Variants in SLC6A11 observed in about 807,000 individuals in gnomAD.
The protein encoded by SLC6A11 is solute carrier family 6 member 11.
SLC6A11 carries 25 observed loss-of-function variants against 74.8 expected under a neutral mutation model. That is an observed-to-expected ratio of 0.33 (90% confidence interval 0.24 to 0.47). The LOEUF is 0.47. Ranked by LOEUF, SLC6A11 falls within the 20% of genes least tolerant of loss-of-function variation. The probability of loss-of-function intolerance (pLI) is 1.00; values close to 1 mark genes in which losing one functional copy is unlikely to be tolerated. For missense variants in SLC6A11, 574 were observed against 837.0 expected (o/e 0.69, Z 3.88); for synonymous variants, 330 against 330.2 (o/e 1.00, Z 0.01).
At chr3:10,852,908 AATAAG>A (rs369766413) in intron 5 of SLC6A11, among the ~76,000 whole-genome samples, 20 of 152,322 alleles carry the variant, frequency 1.3e-4, no homozygotes, top group African/African-American at 4.6e-4. Flanking sequence ...GAACTGGGGA[AATAAG>A]ATAAGATGAG....
At position 10,844,300 on chromosome 3, in the gene SLC6A11, C is replaced by T; in HGVS notation, c.710C>T (p.Thr237Ile). The change falls in exon 5 of 14, where the codon ACC becomes ATC. Residue 237 changes from threonine to isoleucine, a missense_variant. Physicochemically the swap from Thr to Ile is moderately conservative, Grantham distance 89. Coordinates refer to ENST00000254488, the MANE Select transcript of SLC6A11 (RefSeq NM_014229.3). ...GCCTTGTGTCTCTTGGCAGCCTGGA[C>T]CATCTGTTACTTCTGTATCTGGAAG... ...ELALCLLAAW[T>I]ICYFCIWKGT... 6 of 1,614,164 alleles carry T rather than the reference C, an allele frequency of 3.7e-6. No homozygotes were observed. The highest frequency in any genetic ancestry group is 4.2e-6 in the Non-Finnish European group (5 of 1,180,026).
Position 10,816,565 on chromosome 3 carries a change from G to C in SLC6A11, c.256+44G>C. On this transcript the variant is annotated intron_variant, in intron 1 of 13. Coordinates refer to ENST00000254488, the MANE Select transcript of SLC6A11 (RefSeq NM_014229.3). This position sits in a 1 kb window ranked among gnomAD's most constrained non-coding sequence, Gnocchi z 4.2. Reference sequence around the variant, plus strand: ...GAAGGGGAGGGGGCGCCAACCGCCCGGTGGGGGCGGGGAGCCAGGGGCGAG... The same window carrying C: ...GAAGGGGAGGGGGCGCCAACCGCCCCGTGGGGGCGGGGAGCCAGGGGCGAG... The C allele has an allele frequency of 6.6e-7, 1 of 1,512,936 alleles. No individual in the cohort carries two copies. The highest frequency in any genetic ancestry group is 8.9e-7 in the Non-Finnish European group (1 of 1,127,498). 93.7% of individuals were successfully genotyped at this position (1,512,936 alleles called of 1,614,324 possible). A position where few individuals can be genotyped will look rare whatever the true frequency, so the allele number is the denominator to read the frequency against.
intron 8 of SLC6A11, among the ~76,000 whole-genome samples, chr3:10,919,799 G>A (rs1054216982): frequency 3.9e-5 from 6 of 152,172 alleles, no homozygotes; most frequent in African/African-American, 1.4e-4. Flanking sequence ...TCAGCCCTCT[G>A]AAGTGGCATT....
intron 5 of SLC6A11, among the ~76,000 whole-genome samples, chr3:10,856,983 A>G (rs990509322): frequency 6.6e-6 from 1 of 152,136 alleles, no homozygotes; most frequent in Non-Finnish European, 1.5e-5. Flanking sequence ...TACAGGGAAC[A>G]CCCCAATGTT....
intron 5 of SLC6A11, among the ~76,000 whole-genome samples, chr3:10,873,553 C>CAT (rs1559566890): frequency 1.3e-3 from 115 of 88,074 alleles, no homozygotes; most frequent in African/African-American, 5.3e-3. Context: ...TCCTATCCTA[C>CAT]CCTACCCTAC....
At position 10,929,256 on chromosome 3, in the gene SLC6A11, T is replaced by G. The variant is rs1695650999; in HGVS notation, c.1288T>G (p.Phe430Val). The G allele has an allele frequency of 6.2e-7, 1 of 1,614,132 alleles. No homozygotes were observed. The highest frequency in any genetic ancestry group is 8.5e-7 in the Non-Finnish European group (1 of 1,179,994). The change falls in exon 10 of 14, where the codon TTC becomes GTC. Residue 430 changes from phenylalanine to valine, a missense_variant. Physicochemically the swap from Phe to Val is conservative, Grantham distance 50 (BLOSUM62 -1). Transcript: ENST00000254488. The stretch of plus-strand genomic sequence containing the variant: ...CGTGGTGGACATGTACCCCAAGGTT[T>G]TCCGGAGGGGTTACCGGCGGGAGCT... ...TAVVDMYPKV[F>V]RRGYRRELLI...
chr3:10,818,003 A>G (rs1694085871), intron 1 of SLC6A11, among the ~76,000 whole-genome samples: 1 of 152,186 alleles, frequency 6.6e-6, no homozygotes, highest in African/African-American at 2.4e-5. Flanking sequence ...TGTTGTGCCA[A>G]AACAAAAAGC....
intron 5 of SLC6A11, among the ~76,000 whole-genome samples, chr3:10,872,338 A>G (rs1694837514): frequency 6.6e-6 from 1 of 152,238 alleles, no homozygotes; most frequent in Non-Finnish European, 1.5e-5. Flanking sequence ...AAATGCAGCC[A>G]TTGTTATTAT....
intron 10 of SLC6A11, among the ~76,000 whole-genome samples, chr3:10,932,725 G>A (rs1360383009): frequency 1.3e-5 from 2 of 152,168 alleles, no homozygotes; most frequent in Admixed American, 6.5e-5. Context: ...AAACTACCAC[G>A]TGTTTGGTTG....
At chr3:10,838,594 C>G (rs1341836268) in intron 4 of SLC6A11, among the ~76,000 whole-genome samples, 1 of 152,162 alleles carries the variant, frequency 6.6e-6, no homozygotes, top group Non-Finnish European at 1.5e-5. Context: ...ATTAAAAATA[C>G]AAAAATTAGC....
At chr3:10,847,288 G>A (rs533421577) in intron 5 of SLC6A11, among the ~76,000 whole-genome samples, 2 of 152,290 alleles carry the variant, frequency 1.3e-5, no homozygotes, top group East Asian at 1.9e-4. Flanking sequence ...GGACTATGGC[G>A]ATTTTCTTAT....
chr3:10,849,754 G>C (rs1254861058), intron 5 of SLC6A11, among the ~76,000 whole-genome samples: 1 of 120,022 alleles, frequency 8.3e-6, no homozygotes, highest in Non-Finnish European at 1.6e-5. Flanking sequence ...TTAGGGTTTT[G>C]TGATATTTTT....
chr3:10,856,919 G>C (rs1020767540), intron 5 of SLC6A11, among the ~76,000 whole-genome samples: 1 of 152,128 alleles, frequency 6.6e-6, no homozygotes, highest in Non-Finnish European at 1.5e-5. Flanking sequence ...CACCTCACGG[G>C]TTGTTATAAG....
chr3:10,868,176 C>A lies in SLC6A11; in HGVS notation c.757-6785C>A, dbSNP rs148973256. ...CAGCCCAGAGAGGGTATGGAACTGGCCCCAGCTGCCCAGCACATTGGATCT... is the reference window on the plus strand; with the variant it reads ...CAGCCCAGAGAGGGTATGGAACTGGACCCAGCTGCCCAGCACATTGGATCT... On this transcript the variant is annotated intron_variant, in intron 5 of 13. Transcript: ENST00000254488. Among the ~76,000 whole-genome samples, 1,114 of 152,264 alleles carry A rather than the reference C, an allele frequency of 7.3e-3. 50 individuals carry two copies. In the South Asian group the frequency reaches 0.1, roughly 14 times the overall value.
chr3:10,822,599 G>T (rs1017261977), intron 3 of SLC6A11, among the ~76,000 whole-genome samples: 1 of 152,162 alleles, frequency 6.6e-6, no homozygotes, highest in Admixed American at 6.5e-5. Context: ...AGGGGAGGGA[G>T]GTTGGGGAAG....
chr3:10,825,639 T>G (rs1410031590), intron 4 of SLC6A11: 2 of 152,136 alleles, frequency 1.3e-5, no homozygotes, highest in Admixed American at 1.3e-4. Flanking sequence ...GTTGAAAAAA[T>G]TTTCCATATT....
chr3:10,899,023 T>G (rs1575694450), intron 6 of SLC6A11, among the ~76,000 whole-genome samples: 1 of 152,144 alleles, frequency 6.6e-6, no homozygotes, highest in Non-Finnish European at 1.5e-5. Flanking sequence ...TTTCCCCTTA[T>G]CAAACCATCA....
intron 5 of SLC6A11, among the ~76,000 whole-genome samples, chr3:10,864,678 T>C (rs1694742832): frequency 6.6e-6 from 1 of 152,120 alleles, no homozygotes; most frequent in Non-Finnish European, 1.5e-5. Flanking sequence ...GATATAATTT[T>C]TTCCCTTCCT....
chr3:10,886,349 T>C (rs1695042315), intron 6 of SLC6A11, among the ~76,000 whole-genome samples: 1 of 152,186 alleles, frequency 6.6e-6, no homozygotes, highest in South Asian at 2.1e-4. Context: ...CTCTGTGGCC[T>C]GGTCCCTGTC....
Sources: allele counts gnomAD v4.1 joint callset (sites outside exome capture counted in the v4.1 genomes callset), GRCh38; gene constraint gnomAD v4.1.1; non-coding constraint Gnocchi (gnomAD v3.1); transcripts MANE v1.5; gene names NCBI Gene and HGNC (gene_info 2026-07-23, HGNC 2026-07-21).